Variants in FTO observed in about 807,000 individuals in gnomAD.
FTO encodes the protein FTO alpha-ketoglutarate dependent dioxygenase.
A neutral mutation model predicts 63.9 loss-of-function variants in FTO; 47 were observed. The ratio of observed to expected loss-of-function variants is 0.74; its 90% CI spans 0.58 to 0.94. FTO has a LOEUF of 0.94. FTO is among the 40% of genes least tolerant of loss of function. The pLI is 0.00. For synonymous variants in FTO, 207 were observed against 224.4 expected, an observed-to-expected ratio of 0.92 and a Z score of 0.69; for missense variants, 562 against 618.1, an observed-to-expected ratio of 0.91 and a Z score of 0.96.
intron 7 of FTO, among the ~76,000 whole-genome samples, chr16:53,901,569 C>T (rs1306655453): frequency 1.3e-5 from 2 of 152,164 alleles, no homozygotes; most frequent in African/African-American, 4.8e-5. Flanking sequence ...CATACCTCTC[C>T]ACTCCTTGGC....
Position 54,077,812 on chromosome 16 carries a change from G to A in FTO, c.1365-33950G>A, listed in dbSNP as rs553512497. 7.9e-5 allele frequency among the ~76,000 whole-genome samples: 12 copies of A among 152,310 alleles called. No homozygotes were observed. The South Asian group carries it at 2.5e-3, about 32-fold the overall frequency. On this transcript the variant is annotated intron_variant, in intron 8 of 8. Coordinates refer to ENST00000471389, the MANE Select transcript of FTO (RefSeq NM_001080432.3). Reference sequence around the variant, plus strand: ...GGCCTGGAGGCCAGAATGGCAGGCAGTCGGATCAAGAATCCAGATTAGTGG... The same window carrying A: ...GGCCTGGAGGCCAGAATGGCAGGCAATCGGATCAAGAATCCAGATTAGTGG...
At chr16:53,861,694 T>G (rs938567521) in intron 4 of FTO, among the ~76,000 whole-genome samples, 2 of 152,238 alleles carry the variant, frequency 1.3e-5, no homozygotes, top group African/African-American at 4.8e-5. Flanking sequence ...TTGCATTAAA[T>G]TAAATAACAA....
chr16:53,725,571 A>G (rs963660864), intron 1 of FTO, among the ~76,000 whole-genome samples: 1 of 152,184 alleles, frequency 6.6e-6, no homozygotes, highest in African/African-American at 2.4e-5. Context: ...AAAATAATTT[A>G]TGTTTTGCTG....
At chr16:53,916,847 T>A (rs2081881325) in intron 7 of FTO, among the ~76,000 whole-genome samples, 1 of 152,242 alleles carries the variant, frequency 6.6e-6, no homozygotes, top group Non-Finnish European at 1.5e-5. Flanking sequence ...AGGGAGAATC[T>A]CTGGGATATC....
chr16:53,855,628 G>A (rs938354487), intron 4 of FTO, among the ~76,000 whole-genome samples: 2 of 152,048 alleles, frequency 1.3e-5, no homozygotes, highest in African/African-American at 4.8e-5. Context: ...CCCCTGCCTG[G>A]GAAAGGTTTT....
intron 7 of FTO, among the ~76,000 whole-genome samples, chr16:53,929,084 C>G (rs2082219510): frequency 6.6e-6 from 1 of 152,136 alleles, no homozygotes; most frequent in Non-Finnish European, 1.5e-5. Context: ...CTCAGATGAT[C>G]TACCTGCCTC....
chr16:54,111,305 G>A (rs190696483), intron 8 of FTO, among the ~76,000 whole-genome samples: 44 of 152,156 alleles, frequency 2.9e-4, no homozygotes, highest in Admixed American at 1.1e-3. Flanking sequence ...AGTCAATCCC[G>A]GCCTGTAATA....
At chr16:54,011,628 A>G (rs1474687042) in intron 8 of FTO, among the ~76,000 whole-genome samples, 3 of 152,192 alleles carry the variant, frequency 2.0e-5, no homozygotes, top group Non-Finnish European at 2.9e-5. Flanking sequence ...TTTCAACAAC[A>G]TGTGCTCACT....
intron 8 of FTO, among the ~76,000 whole-genome samples, chr16:54,078,558 C>A (rs1415719751): frequency 6.6e-6 from 1 of 152,016 alleles, no homozygotes; most frequent in African/African-American, 2.4e-5. Context: ...TACACATGCT[C>A]GTTTCTGGAG....
intron 8 of FTO, among the ~76,000 whole-genome samples, chr16:54,035,607 C>T (rs1341430969): frequency 6.6e-6 from 1 of 152,154 alleles, no homozygotes; most frequent in East Asian, 1.9e-4. Context: ...TGGTGTGTCA[C>T]GCTGAGACCC....
At chr16:53,994,190 T>TC (rs1378982073) in intron 8 of FTO, 1 of 152,180 alleles carries the variant, frequency 6.6e-6, no homozygotes, top group Non-Finnish European at 1.5e-5. Flanking sequence ...CAGCCTCCTC[T>TC]CCCTGTTTCC....
At chr16:53,836,394 T>C (rs1238697498) in intron 3 of FTO, among the ~76,000 whole-genome samples, 1 of 152,250 alleles carries the variant, frequency 6.6e-6, no homozygotes, top group East Asian at 1.9e-4. Flanking sequence ...GTTTTATGTG[T>C]GTTTGAATTA....
chr16:54,101,426 A>G (rs1294113054), intron 8 of FTO, among the ~76,000 whole-genome samples: 2 of 152,178 alleles, frequency 1.3e-5, no homozygotes, highest in African/African-American at 4.8e-5. Context: ...CTCCAGCTCC[A>G]TCCACGTTCC....
intron 8 of FTO, among the ~76,000 whole-genome samples, chr16:54,067,640 C>T (rs1177113386): frequency 2.6e-5 from 4 of 152,132 alleles, no homozygotes; most frequent in Non-Finnish European, 5.9e-5. Flanking sequence ...CTCTAGTGAG[C>T]CTAAATATCC....
At chr16:53,907,329 G>A (rs562665538) in intron 7 of FTO, among the ~76,000 whole-genome samples, 1 of 152,168 alleles carries the variant, frequency 6.6e-6, no homozygotes, top group African/African-American at 2.4e-5. Flanking sequence ...TTATAATAAA[G>A]TGTTGGATAT....
intron 6 of FTO, among the ~76,000 whole-genome samples, chr16:53,883,622 C>CAAAAAAAAAAAAAA (rs36010057): frequency 1.2e-4 from 7 of 59,340 alleles, no homozygotes; most frequent in African/African-American, 5.9e-4. Flanking sequence ...AACTCTATCT[C>CAAAAAAAAAAAAAA]AAAAAAAAAA....
intron 8 of FTO, among the ~76,000 whole-genome samples, chr16:54,109,016 A>G (rs1442285669): frequency 6.6e-6 from 1 of 152,218 alleles, no homozygotes; most frequent in Non-Finnish European, 1.5e-5. Flanking sequence ...TATCAGTTCC[A>G]TAGTCTGGCA....
Position 53,742,742 on chromosome 16 carries a change from T to C in FTO, c.45+38513T>C, listed in dbSNP as rs16952493. ...GCAGTATCTGAGTTAATCTTCATCATAAACCTAACTGGGTATTGTTTGCCA... is the reference window on the plus strand; with the variant it reads ...GCAGTATCTGAGTTAATCTTCATCACAAACCTAACTGGGTATTGTTTGCCA... On this transcript the variant is annotated intron_variant, in intron 1 of 8. Transcript: ENST00000471389. Among the ~76,000 whole-genome samples the C allele has an allele frequency of 2.3e-3, 349 of 152,320 alleles. 3 individuals carry two copies. The highest frequency in any genetic ancestry group is 7.3e-3 in the African/African-American group (302 of 41,570).
At chr16:53,942,473 C>T (rs138282191) in intron 8 of FTO, among the ~76,000 whole-genome samples, 179 of 152,262 alleles carry the variant, frequency 1.2e-3, no homozygotes, top group South Asian at 1.2e-3. Flanking sequence ...AGAGGAAGAA[C>T]TGGCATGGCG....
Sources: allele counts gnomAD v4.1 joint callset (sites outside exome capture counted in the v4.1 genomes callset), GRCh38; gene constraint gnomAD v4.1.1; transcripts MANE v1.5; gene names NCBI Gene and HGNC (gene_info 2026-07-23, HGNC 2026-07-21).